WDR25: variants seen among roughly 807,000 people sequenced by gnomAD.
WDR25 encodes the protein WD repeat-containing protein 25.
In WDR25, 35 loss-of-function variants were observed where a neutral mutation model predicts 47.7. The ratio of observed to expected loss-of-function variants is 0.73; its 90% CI spans 0.56 to 0.97. WDR25 has a LOEUF of 0.97. Ranked by LOEUF, WDR25 falls within the 50% of genes least tolerant of loss-of-function variation. The pLI is 0.00. For synonymous variants in WDR25, 248 were observed against 278.9 expected (o/e 0.89, Z 1.10); for missense variants, 634 against 704.7 (o/e 0.90, Z 1.14).
chr14:100,454,558 C>CA (rs1328487719), intron 2 of WDR25: 87 of 730,896 alleles, frequency 1.2e-4, no homozygotes, highest in Middle Eastern at 1.0e-3. Context: ...TATTGGAGAG[C>CA]AAAAAAAAGC....
At chr14:100,439,155 C>T (rs1176992518) in intron 2 of WDR25, among the ~76,000 whole-genome samples, 1 of 152,234 alleles carries the variant, frequency 6.6e-6, no homozygotes, top group Non-Finnish European at 1.5e-5. Context: ...CCACTGGTGA[C>T]TGGTGGCAGA....
rs374044431 is a variant in WDR25, at chr14:100,502,741, C to T, written c.1101+18617C>T. Among the ~76,000 whole-genome samples, 12 of 152,310 alleles carry T rather than the reference C, an allele frequency of 7.9e-5. No individual in the cohort carries two copies. In the East Asian group the frequency reaches 2.3e-3, roughly 29 times the overall value. ...TGCTTGGGGGCTAATGAAAGACTCACAGAAGAAGGAGCTAATGATTTTGCT... is the reference window on the plus strand; with the variant it reads ...TGCTTGGGGGCTAATGAAAGACTCATAGAAGAAGGAGCTAATGATTTTGCT... On this transcript the variant is annotated intron_variant, in intron 4 of 6. Coordinates refer to ENST00000402312, the MANE Select transcript of WDR25 (RefSeq NM_001161476.3). This position sits in a 1 kb window ranked among gnomAD's most constrained non-coding sequence, Gnocchi z 4.5.
rs1004702442 is a variant in WDR25 at position 100,529,275 on chromosome 14, C to T, written c.1413+67C>T. 3.7e-6 allele frequency: 6 copies of T among 1,602,980 alleles called. No homozygotes were observed. Among genetic ancestry groups the T allele is most frequent in the Middle Eastern group, 1.7e-4 (1 of 6,042 alleles). On this transcript the variant is annotated intron_variant, in intron 6 of 6. Transcript: ENST00000402312. The surrounding 1 kb of genome is among the most constrained non-coding windows in gnomAD (Gnocchi z 5.1). ...CCCCAAGCCTCCTGGCAGTCCTGGA[C>T]ATGGGCCCTGGGGTGCATGGAGCCT...
chr14:100,450,571 G>A (rs940136590), intron 2 of WDR25, among the ~76,000 whole-genome samples: 1 of 152,354 alleles, frequency 6.6e-6, no homozygotes, highest in Admixed American at 6.5e-5. Context: ...GCGAGTGAAT[G>A]AGAGTCACTC....
chr14:100,383,047 G>A (rs143699837), intron 2 of WDR25, among the ~76,000 whole-genome samples: 7 of 152,204 alleles, frequency 4.6e-5, no homozygotes, highest in Non-Finnish European at 7.4e-5. Flanking sequence ...TTTCTCCCTC[G>A]GAAACATTTT....
At chr14:100,400,688 A>G (rs1185000771) in intron 2 of WDR25, among the ~76,000 whole-genome samples, 2 of 152,226 alleles carry the variant, frequency 1.3e-5, no homozygotes, top group South Asian at 4.1e-4. Flanking sequence ...GGCACTTTCC[A>G]TCTGTGGCTA....
rs758650913 is a variant in WDR25, at chr14:100,529,109, GC to G, written c.1317del (p.Val440CysfsTer22). On this transcript the variant is annotated frameshift_variant, in exon 6 of 7. Transcript: ENST00000402312. LOFTEE classifies it high-confidence loss of function. The surrounding 1 kb of genome is among the most constrained non-coding windows in gnomAD (Gnocchi z 5.1). ...CPSLALHPRE[P>X]VFLAQTNGNY... Reference sequence around the variant, plus strand: ...CCAGCCTCGCCTTGCACCCGAGAGAGCCCGTGTTCCTGGCACAGACCAATGG... The same window carrying G: ...CCAGCCTCGCCTTGCACCCGAGAGAGCCGTGTTCCTGGCACAGACCAATGG... The G allele has an allele frequency of 6.3e-7, 1 of 1,579,476 alleles. No homozygotes were observed. The highest frequency in any genetic ancestry group is 8.7e-7 in the Non-Finnish European group (1 of 1,155,052).
Position 100,444,046 on chromosome 14 carries a change from G to A in WDR25, c.823-23975G>A, listed in dbSNP as rs554316423. ...TAGACACCAGGAGCCCAGCCCCAGA[G>A]CCTTATCCTGTCCATAGCCCCACTT... is the stretch of plus-strand genomic sequence containing the variant. On this transcript the variant is annotated intron_variant, in intron 2 of 6. Coordinates refer to ENST00000402312, the MANE Select transcript of WDR25 (RefSeq NM_001161476.3). Among the ~76,000 whole-genome samples, 72 of 152,302 alleles carry A rather than the reference G, an allele frequency of 4.7e-4. 1 individual carries two copies. Among genetic ancestry groups the A allele is most frequent in the Admixed American group, 4.6e-4 (7 of 15,302 alleles).
At chr14:100,405,858 T>C (rs1339042948) in intron 2 of WDR25, among the ~76,000 whole-genome samples, 1 of 152,188 alleles carries the variant, frequency 6.6e-6, no homozygotes. Context: ...ACCTGGATGT[T>C]TTTCTCTGTA....
intron 4 of WDR25, among the ~76,000 whole-genome samples, chr14:100,491,804 A>G (rs1175326664): frequency 1.3e-5 from 2 of 152,192 alleles, no homozygotes; most frequent in Non-Finnish European, 2.9e-5. Context: ...CTGGCCATGG[A>G]TGGGACAGTG....
At chr14:100,408,806 C>CTA (rs904590774) in intron 2 of WDR25, among the ~76,000 whole-genome samples, 2 of 152,132 alleles carry the variant, frequency 1.3e-5, no homozygotes, top group Non-Finnish European at 1.5e-5. Context: ...TTGAAAAAAC[C>CTA]TATGTGAATT....
intron 5 of WDR25, 40 bp downstream of exon 5, chr14:100,526,080 C>A (rs963304984): frequency 6.2e-7 from 1 of 1,608,060 alleles, no homozygotes; most frequent in African/African-American, 1.3e-5. Flanking sequence ...GTTTCAGCCA[C>A]AGAGCGTATC....
intron 4 of WDR25, among the ~76,000 whole-genome samples, chr14:100,489,137 T>G (rs1204550451): frequency 6.6e-6 from 1 of 152,206 alleles, no homozygotes; most frequent in Non-Finnish European, 1.5e-5. Context: ...TCCAGAAGTG[T>G]GGACAGAGGC....
chr14:100,479,163 C>A (rs1233854809), intron 3 of WDR25, among the ~76,000 whole-genome samples: 1 of 151,998 alleles, frequency 6.6e-6, no homozygotes, highest in Non-Finnish European at 1.5e-5. Context: ...TCCAGATGAC[C>A]CCCAGCCGCT....
intron 2 of WDR25, among the ~76,000 whole-genome samples, chr14:100,431,999 C>T (rs867058565): frequency 1.1e-4 from 16 of 152,312 alleles, no homozygotes; most frequent in African/African-American, 2.6e-4. Context: ...CGTGAGCCAC[C>T]GCACCCAGCC....
intron 4 of WDR25, among the ~76,000 whole-genome samples, chr14:100,484,461 TTGGTG>T (rs1185838215): frequency 9.5e-6 from 1 of 105,670 alleles, no homozygotes; most frequent in East Asian, 2.4e-4. Context: ...GTACAGAGAA[TTGGTG>T]TGTGTGTGTG....
Position 100,529,021 on chromosome 14 carries a change from G to C in WDR25, c.1273-47G>C. On this transcript the variant is annotated intron_variant, in intron 5 of 6. Transcript: ENST00000402312. The surrounding 1 kb of genome is among the most constrained non-coding windows in gnomAD (Gnocchi z 5.1). The stretch of plus-strand genomic sequence containing the variant: ...CCCCAGGCCCCAGAGCAGAGTGCCA[G>C]GTTGGGGGTGTCTTCTCTGACCCAT... 6.6e-7 allele frequency: 1 copy of C among 1,504,430 alleles called. No individual in the cohort carries two copies. The highest frequency in any genetic ancestry group is 8.9e-7 in the Non-Finnish European group (1 of 1,124,554). The allele number at this position is 1,504,430 out of a possible 1,614,324, so 93.2% of individuals were successfully genotyped here.
Position 100,398,018 on chromosome 14 carries a change from T to C in WDR25, c.822+16272T>C, listed in dbSNP as rs1022923833. On this transcript the variant is annotated intron_variant, in intron 2 of 6. Coordinates refer to ENST00000402312, the MANE Select transcript of WDR25 (RefSeq NM_001161476.3). ...CACACCTGGCTAATTTTTGTATTTTTGGTAGAGACAGAGTTTCACCATGTT... is the reference window on the plus strand; with the variant it reads ...CACACCTGGCTAATTTTTGTATTTTCGGTAGAGACAGAGTTTCACCATGTT... Among the ~76,000 whole-genome samples, 3 of 152,324 alleles carry C rather than the reference T, an allele frequency of 2.0e-5. No homozygotes were observed. The East Asian group carries it at 5.8e-4, about 29-fold the overall frequency.
chr14:100,452,628 C>T (rs748650130), intron 2 of WDR25, among the ~76,000 whole-genome samples: 1 of 151,960 alleles, frequency 6.6e-6, no homozygotes, highest in Non-Finnish European at 1.5e-5. Flanking sequence ...AGTGCTGCTA[C>T]AGTGGAGTCA....
Sources: allele counts gnomAD v4.1 joint callset (sites outside exome capture counted in the v4.1 genomes callset), GRCh38; gene constraint gnomAD v4.1.1; non-coding constraint Gnocchi (gnomAD v3.1); transcripts MANE v1.5; gene names NCBI Gene and HGNC (gene_info 2026-07-23, HGNC 2026-07-21).